The following NFIC variants were observed in gnomAD, a reference collection of about 807,000 sequenced individuals.
NFIC encodes the protein nuclear factor I C.
A neutral mutation model predicts 54.4 loss-of-function variants in NFIC; 12 were observed. The observed-to-expected ratio is 0.22, with a 90% CI of 0.14 to 0.36. NFIC has a LOEUF of 0.36. NFIC is among the 10% of genes least tolerant of loss of function. The pLI, the probability that NFIC is intolerant of heterozygous loss-of-function variation, is 1.00. For missense variants in NFIC, 575 were observed against 718.2 expected (o/e 0.80, Z 2.28); for synonymous variants, 322 against 319.2 (o/e 1.01, Z -0.09).
intron 2 of NFIC, among the ~76,000 whole-genome samples, chr19:3,412,638 G>C (rs2081782811): frequency 6.6e-6 from 1 of 152,158 alleles, no homozygotes; most frequent in Non-Finnish European, 1.5e-5. Flanking sequence ...TGGGTAATTT[G>C]CTTACCCTCT....
At chr19:3,409,559 G>T (rs1416750528) in intron 2 of NFIC, among the ~76,000 whole-genome samples, 2 of 152,180 alleles carry the variant, frequency 1.3e-5, no homozygotes, top group African/African-American at 2.4e-5. Context: ...TTCCGTGAGT[G>T]CCGGGTGTGC....
Position 3,381,562 on chromosome 19 carries a change from G to A in NFIC, c.31-150G>A, listed in dbSNP as rs889875029. 6 of 1,228,970 alleles carry A rather than the reference G, an allele frequency of 4.9e-6. No individual in the cohort carries two copies. In the African/African-American group the frequency reaches 6.1e-5, roughly 12 times the overall value. 76.1% of individuals were successfully genotyped at this position (1,228,970 alleles called of 1,614,324 possible). On this transcript the variant is annotated intron_variant, in intron 1 of 10. Transcript: ENST00000443272. ...TGCGTGCCTCCGGCGGCGTGCACGG[G>A]TCCGCAGCGACCCCCTGCCCACCTC...
In NFIC at chr19:3,452,157, G is replaced by A. The variant is rs113326355; in HGVS notation, c.1085-325G>A. ...TCAGTGGGTTACACCTGTAATCCCC[G>A]CACTTTGGGAGGCCTAGGAGGGAGG... On this transcript the variant is annotated intron_variant, in intron 7 of 10. Coordinates refer to ENST00000443272, the MANE Select transcript of NFIC (RefSeq NM_001245002.2). This position sits in a 1 kb window ranked among gnomAD's most constrained non-coding sequence, Gnocchi z 5.3. Among the ~76,000 whole-genome samples, 243 of 147,630 alleles carry A rather than the reference G, an allele frequency of 1.6e-3. 2 individuals carry two copies. Among genetic ancestry groups the A allele is most frequent in the African/African-American group, 5.5e-3 (222 of 40,086 alleles).
intron 2 of NFIC, among the ~76,000 whole-genome samples, chr19:3,409,616 A>G (rs930196361): frequency 2.1e-5 from 3 of 142,944 alleles, no homozygotes; most frequent in Non-Finnish European, 4.6e-5. Context: ...CAGCGGACGC[A>G]GGGAGTTGTC....
At chr19:3,401,428 A>G (rs1008057282) in intron 2 of NFIC, among the ~76,000 whole-genome samples, 1 of 152,052 alleles carries the variant, frequency 6.6e-6, no homozygotes, top group African/African-American at 2.4e-5. Flanking sequence ...ATCCAGGTCA[A>G]CTCCGACGGT....
At chr19:3,457,602 G>A (rs896434969) in intron 10 of NFIC, among the ~76,000 whole-genome samples, 2 of 152,168 alleles carry the variant, frequency 1.3e-5, no homozygotes, top group Non-Finnish European at 2.9e-5. Flanking sequence ...GGCCCGGGAG[G>A]TCCAGACTCA....
chr19:3,412,886 G>A (rs765411012), intron 2 of NFIC, among the ~76,000 whole-genome samples: 14 of 152,166 alleles, frequency 9.2e-5, no homozygotes, highest in Non-Finnish European at 1.2e-4. Flanking sequence ...GGGTTCTGCT[G>A]GAATAAAGAA....
chr19:3,420,236 G>A (rs1477673950), intron 2 of NFIC, among the ~76,000 whole-genome samples: 1 of 152,012 alleles, frequency 6.6e-6, no homozygotes, highest in Non-Finnish European at 1.5e-5. Flanking sequence ...TAGGAGGATG[G>A]CTTGAGCTCA....
At chr19:3,371,888 C>CTTCCTTCCTTCCTTCCTTCCTTCT (rs2081017906) in intron 1 of NFIC, among the ~76,000 whole-genome samples, 1 of 70,674 alleles carries the variant, frequency 1.4e-5, no homozygotes, top group Non-Finnish European at 3.3e-5. Context: ...TCTCTCCTTC[C>CTTCCTTCCTTCCTTCCTTCCTTCT]TTCCTTCCTT....
chr19:3,417,624 CT>C (rs757954619), intron 2 of NFIC, among the ~76,000 whole-genome samples: 5,059 of 121,570 alleles, frequency 0.042, 80 homozygotes, highest in African/African-American at 0.083. Context: ...TTTTTCTTTT[CT>C]TTTTTTTTTT....
rs573866619 is a variant in NFIC, at chr19:3,459,899, G to A, written c.1510-2853G>A. ...TGAATGATTTGCTGCAGCGGTGGGG[G>A]GCGGCCCCACCTCTAACCTCAGTTG... On this transcript the variant is annotated intron_variant, in intron 10 of 10. Coordinates refer to ENST00000443272, the MANE Select transcript of NFIC (RefSeq NM_001245002.2). This position sits in a 1 kb window ranked among gnomAD's most constrained non-coding sequence, Gnocchi z 4.2. Among the ~76,000 whole-genome samples, 7 of 152,338 alleles carry A rather than the reference G, an allele frequency of 4.6e-5. No individual in the cohort carries two copies. The South Asian group carries it at 1.4e-3, about 32-fold the overall frequency.
intron 6 of NFIC, 66 bp downstream of exon 6, chr19:3,435,273 TC>T: frequency 6.9e-6 from 10 of 1,452,822 alleles, no homozygotes; most frequent in Non-Finnish European, 9.2e-6. Flanking sequence ...AACTACGTCT[TC>T]CGGCAGCCAC....
intron 2 of NFIC, among the ~76,000 whole-genome samples, chr19:3,383,819 G>A (rs2081250779): frequency 6.6e-6 from 1 of 152,180 alleles, no homozygotes; most frequent in South Asian, 2.1e-4. Flanking sequence ...GAGAGGGAGG[G>A]GCATTTGCCC....
At chr19:3,368,319 G>A (rs1322816431) in intron 1 of NFIC, among the ~76,000 whole-genome samples, 1 of 152,154 alleles carries the variant, frequency 6.6e-6, no homozygotes, top group Non-Finnish European at 1.5e-5. Context: ...GGGCTGGTTG[G>A]GAGACATCCT....
At position 3,464,051 on chromosome 19, in the gene NFIC, G is replaced by C. The variant is rs979290592; in HGVS notation, c.*1282G>C. The C allele has an allele frequency of 1.0e-6, 1 of 985,202 alleles. No homozygotes were observed. The highest frequency in any genetic ancestry group is 1.2e-6 in the Non-Finnish European group (1 of 829,942). 61.0% of individuals were successfully genotyped at this position (985,202 alleles called of 1,614,324 possible). ...GCGTCCTGCCCTGCCGGGGCGCGGG[G>C]GTGGGCTCTGGGGAAGCCGGTGCGC... On this transcript the variant is annotated 3_prime_UTR_variant, in exon 11 of 11. Coordinates refer to ENST00000443272, the MANE Select transcript of NFIC (RefSeq NM_001245002.2).
At chr19:3,456,882 G>A (rs1037241230) in intron 10 of NFIC, 14 of 558,664 alleles carry the variant, frequency 2.5e-5, no homozygotes, top group East Asian at 6.1e-5. Flanking sequence ...CCCCAGGAGC[G>A]TCTCTGGAGA....
intron 1 of NFIC, among the ~76,000 whole-genome samples, chr19:3,371,937 T>TTCCTCCCC (rs1461954974): frequency 1.1e-5 from 1 of 87,670 alleles, no homozygotes; most frequent in Admixed American, 1.2e-4. Context: ...CCTTCCTTCC[T>TTCCTCCCC]TCCCTCCCTC....
intron 2 of NFIC, among the ~76,000 whole-genome samples, chr19:3,412,365 C>T (rs529923556): frequency 1.3e-5 from 2 of 152,310 alleles, no homozygotes; most frequent in East Asian, 3.9e-4. Context: ...CCCACCTCAG[C>T]CTCCCAAGTA....
chr19:3,380,059 G>A (rs997640771), intron 1 of NFIC, among the ~76,000 whole-genome samples: 1 of 151,778 alleles, frequency 6.6e-6, no homozygotes, highest in Admixed American at 6.6e-5. Flanking sequence ...GGAGTGCAGT[G>A]GCGCAATCTC....
Sources: gnomAD v4.1 joint callset for allele counts (sites outside exome capture counted in the v4.1 genomes callset) on GRCh38, gnomAD v4.1.1 for gene constraint, Gnocchi (gnomAD v3.1) non-coding constraint, MANE v1.5 for transcripts, NCBI Gene and HGNC (gene_info 2026-07-23, HGNC 2026-07-21) for gene names.